MBOAT1: variants seen among roughly 807,000 people sequenced by gnomAD.
MBOAT1 encodes membrane-bound glycerophospholipid O-acyltransferase 1.
Under a neutral mutation model 64.4 loss-of-function variants are expected in MBOAT1, and 67 were observed. That is an observed-to-expected ratio of 1.04 (90% CI 0.85 to 1.27). MBOAT1 has a LOEUF of 1.27. Among genes scored for constraint, MBOAT1 ranks in the 50% most tolerant of loss-of-function variants. The pLI is 0.00. For synonymous variants in MBOAT1, 229 were observed against 218.9 expected (o/e 1.05, Z -0.41); for missense variants, 563 against 604.6 (o/e 0.93, Z 0.72).
chr6:20,107,985 G>A (rs1760010720), intron 12 of MBOAT1, among the ~76,000 whole-genome samples: 1 of 152,112 alleles, frequency 6.6e-6, no homozygotes, highest in South Asian at 2.1e-4. Flanking sequence ...GGACAAATGG[G>A]AATGAAATTG....
chr6:20,178,996 G>A (rs1762432586), intron 1 of MBOAT1, among the ~76,000 whole-genome samples: 1 of 151,496 alleles, frequency 6.6e-6, no homozygotes, highest in Non-Finnish European at 1.5e-5. Context: ...TTGTTACATA[G>A]GCAAACGTGT....
chr6:20,162,092 T>C lies in MBOAT1; in HGVS notation c.100-9323A>G, dbSNP rs573522958. Reference sequence around the variant, plus strand: ...CCGGTCATGTTGGATTAGGACCCACTGTAATGACTTTCTTCACTACTAAGT... The same window carrying C: ...CCGGTCATGTTGGATTAGGACCCACCGTAATGACTTTCTTCACTACTAAGT... On this transcript the variant is annotated intron_variant, in intron 1 of 12. Coordinates refer to ENST00000324607, the MANE Select transcript of MBOAT1 (RefSeq NM_001080480.3). Among the ~76,000 whole-genome samples, 13 of 152,308 alleles carry C rather than the reference T, an allele frequency of 8.5e-5. No individual in the cohort carries two copies. The South Asian group carries it at 2.3e-3, about 27-fold the overall frequency.
At chr6:20,168,659 A>G (rs1762099461) in intron 1 of MBOAT1, among the ~76,000 whole-genome samples, 2 of 137,680 alleles carry the variant, frequency 1.5e-5, no homozygotes, top group African/African-American at 5.4e-5. Flanking sequence ...AGGAGAGGGA[A>G]AGAGAGAAAG....
intron 1 of MBOAT1, among the ~76,000 whole-genome samples, chr6:20,206,212 C>G (rs1433253054): frequency 5.1e-4 from 77 of 152,094 alleles, no homozygotes; most frequent in Admixed American, 5.0e-3. Context: ...CTCGCTCTGT[C>G]ACCCAGGCTG....
intron 1 of MBOAT1, among the ~76,000 whole-genome samples, chr6:20,197,141 G>A (rs1408808878): frequency 6.6e-6 from 1 of 151,840 alleles, no homozygotes; most frequent in African/African-American, 2.4e-5. Context: ...TAAATAGATG[G>A]GAGTCTCACT....
rs1762296493 is a variant in MBOAT1, at chr6:20,174,845, A to G, written c.100-22076T>C. 1.3e-5 allele frequency among the ~76,000 whole-genome samples: 2 copies of G among 152,212 alleles called. 1 individual carries two copies. Among genetic ancestry groups the G allele is most frequent in the South Asian group, 4.1e-4 (2 of 4,832 alleles). On this transcript the variant is annotated intron_variant, in intron 1 of 12. Coordinates refer to ENST00000324607, the MANE Select transcript of MBOAT1 (RefSeq NM_001080480.3). ...GATTGCAAATTGTATCAGCTAACCA[A>G]TTTTTGAAGAGGACTTTTCAAAGCA...
chr6:20,107,574 CCT>C (rs1384260539), intron 12 of MBOAT1, among the ~76,000 whole-genome samples: 2 of 152,132 alleles, frequency 1.3e-5, no homozygotes, highest in Non-Finnish European at 2.9e-5. Flanking sequence ...TCAATTACTC[CCT>C]GTCTTTTCCA....
At chr6:20,123,872 C>T (rs1007830236) in intron 8 of MBOAT1, among the ~76,000 whole-genome samples, 50 of 152,118 alleles carry the variant, frequency 3.3e-4, no homozygotes, top group Non-Finnish European at 5.0e-4. Context: ...CTGGCTAACA[C>T]TGTGAAACCC....
chr6:20,203,797 G>A (rs1409261147), intron 1 of MBOAT1, among the ~76,000 whole-genome samples: 1 of 145,598 alleles, frequency 6.9e-6, no homozygotes, highest in Non-Finnish European at 1.5e-5. Flanking sequence ...CAATGGGCCC[G>A]TTTAAAAAAA....
At chr6:20,163,181 C>T (rs911263053) in intron 1 of MBOAT1, among the ~76,000 whole-genome samples, 7 of 152,130 alleles carry the variant, frequency 4.6e-5, no homozygotes, top group African/African-American at 9.7e-5. Context: ...AGCCTGCCTC[C>T]TATCCCATAA....
chr6:20,123,750 A>G (rs1760560454), intron 8 of MBOAT1, among the ~76,000 whole-genome samples: 1 of 152,124 alleles, frequency 6.6e-6, no homozygotes, highest in African/African-American at 2.4e-5. Flanking sequence ...TAAAACCCAG[A>G]AAAACTACAA....
At chr6:20,185,155 T>C (rs972574561) in intron 1 of MBOAT1, among the ~76,000 whole-genome samples, 8 of 151,690 alleles carry the variant, frequency 5.3e-5, no homozygotes, top group African/African-American at 1.9e-4. Context: ...GAGGGTGAGG[T>C]GGGAGGATTG....
intron 1 of MBOAT1, among the ~76,000 whole-genome samples, chr6:20,200,580 A>G (rs1763093426): frequency 1.3e-5 from 2 of 152,148 alleles, no homozygotes; most frequent in South Asian, 4.1e-4. Context: ...CCATGTCCCA[A>G]GTTACTTCTC....
chr6:20,183,037 A>C (rs1762553781), intron 1 of MBOAT1, among the ~76,000 whole-genome samples: 1 of 152,156 alleles, frequency 6.6e-6, no homozygotes, highest in Non-Finnish European at 1.5e-5. Context: ...CTTCAGACAG[A>C]GAAGCTCCCC....
chr6:20,195,384 T>C (rs898246152), intron 1 of MBOAT1, among the ~76,000 whole-genome samples: 3 of 152,224 alleles, frequency 2.0e-5, no homozygotes, highest in African/African-American at 4.8e-5. Context: ...CTTATGACTT[T>C]TGGTTTTTCA....
At position 20,109,541 on chromosome 6, in the gene MBOAT1, AAC is replaced by A. The variant is rs1185130775; in HGVS notation, c.1361+55_1361+56del. On this transcript the variant is annotated intron_variant, in intron 12 of 12. Coordinates refer to ENST00000324607, the MANE Select transcript of MBOAT1 (RefSeq NM_001080480.3). ...ATTCAATTTACTGCCTCCTAAGTCA[AAC>A]ACAGTGAAAATAGAGTCATTTACGA... 3.2e-6 allele frequency: 5 copies of A among 1,576,264 alleles called. No individual in the cohort carries two copies. In the African/African-American group the frequency reaches 4.0e-5, roughly 13 times the overall value.
At chr6:20,184,383 G>C (rs1027267853) in intron 1 of MBOAT1, among the ~76,000 whole-genome samples, 2 of 152,126 alleles carry the variant, frequency 1.3e-5, no homozygotes, top group African/African-American at 2.4e-5. Flanking sequence ...GTAATGTCAT[G>C]TCACAGCAGG....
intron 11 of MBOAT1, among the ~76,000 whole-genome samples, chr6:20,111,133 G>C (rs1292066749): frequency 3.9e-5 from 6 of 152,168 alleles, no homozygotes; most frequent in Non-Finnish European, 5.9e-5. Context: ...AATGGAAATT[G>C]CTAGGTCGAA....
At chr6:20,208,234 T>A (rs959154908) in intron 1 of MBOAT1, among the ~76,000 whole-genome samples, 2 of 151,036 alleles carry the variant, frequency 1.3e-5, no homozygotes, top group Admixed American at 1.3e-4. Context: ...GATCACAAGG[T>A]CAGGAGTTCG....
Sources: allele counts gnomAD v4.1 joint callset (sites outside exome capture counted in the v4.1 genomes callset), GRCh38; gene constraint gnomAD v4.1.1; transcripts MANE v1.5; gene names NCBI Gene and HGNC (gene_info 2026-07-23, HGNC 2026-07-21).